KCNN3: variants seen among roughly 807,000 people sequenced by gnomAD.
KCNN3 encodes potassium calcium-activated channel subfamily N member 3.
In KCNN3, 16 loss-of-function variants were observed where a neutral mutation model predicts 62.9. The ratio of observed to expected loss-of-function variants is 0.25; its 90% CI spans 0.17 to 0.39. The LOEUF (loss-of-function observed/expected upper bound fraction) is 0.39. Among genes scored for constraint, KCNN3 ranks in the 10% least tolerant of loss-of-function variants. KCNN3 has a pLI of 1.00. For missense variants in KCNN3, 599 were observed against 949.4 expected (o/e 0.63, Z 4.85); for synonymous variants, 370 against 389.2 (o/e 0.95, Z 0.58).
rs1174984325 is a variant in KCNN3, at chr1:154,705,854, T to C, written c.*2122A>G. The C allele has an allele frequency of 1.3e-5, 2 of 152,236 alleles. No homozygotes were observed. The highest frequency in any genetic ancestry group is 6.5e-5 in the Admixed American group (1 of 15,284). The allele number at this position is 152,236 out of a possible 1,614,324, so 9.4% of individuals were successfully genotyped here. A position where few individuals can be genotyped will look rare whatever the true frequency, so the allele number is the denominator to read the frequency against. The stretch of plus-strand genomic sequence containing the variant: ...AGATCAGCCCACCAGTGGTCTTCAC[T>C]TTGTGAAATGGAACTAATGCCACAA... On this transcript the variant is annotated 3_prime_UTR_variant, in exon 8 of 8. Coordinates refer to ENST00000271915, the MANE Select transcript of KCNN3 (RefSeq NM_002249.6).
At chr1:154,758,289 C>A (rs572120433) in intron 3 of KCNN3, among the ~76,000 whole-genome samples, 17 of 152,154 alleles carry the variant, frequency 1.1e-4, no homozygotes, top group Non-Finnish European at 2.4e-4. Flanking sequence ...GTTTTTCCAC[C>A]CTGAGTTCAG....
chr1:154,808,803 A>G (rs1650284727), intron 2 of KCNN3, among the ~76,000 whole-genome samples: 2 of 152,182 alleles, frequency 1.3e-5, no homozygotes, highest in African/African-American at 4.8e-5. Context: ...AGCACATTCT[A>G]GCAAGAAGCA....
chr1:154,814,888 C>A (rs948430342), intron 2 of KCNN3, among the ~76,000 whole-genome samples: 1 of 152,240 alleles, frequency 6.6e-6, no homozygotes, highest in Admixed American at 6.5e-5. Flanking sequence ...AGTGAATCCC[C>A]ATCACCAGTC....
intron 2 of KCNN3, among the ~76,000 whole-genome samples, chr1:154,795,537 T>A (rs755733577): frequency 1.3e-5 from 2 of 152,216 alleles, no homozygotes; most frequent in Admixed American, 6.5e-5. Context: ...GCCACCCTTC[T>A]GTCAGATGCT....
chr1:154,697,889 C>T lies in KCNN3; in HGVS notation c.*10087G>A, dbSNP rs1189374830. 1 of 152,074 alleles carries T rather than the reference C, an allele frequency of 6.6e-6. No individual in the cohort carries two copies. Among genetic ancestry groups the T allele is most frequent in the African/African-American group, 2.4e-5 (1 of 41,374 alleles). The allele number at this position is 152,074 out of a possible 1,614,324, so 9.4% of individuals were successfully genotyped here. On this transcript the variant is annotated 3_prime_UTR_variant, in exon 8 of 8. Coordinates refer to ENST00000271915, the MANE Select transcript of KCNN3 (RefSeq NM_002249.6). ...CATTTGCTCCTCAGTTTTCTATGGC[C>T]CAATTTTCCCATTGGAATAATGGGA... is the stretch of plus-strand genomic sequence containing the variant.
Position 154,700,282 on chromosome 1 carries a change from A to G in KCNN3, c.*7694T>C, listed in dbSNP as rs1371899586. 2 of 152,198 alleles carry G rather than the reference A, an allele frequency of 1.3e-5. No homozygotes were observed. Among genetic ancestry groups the G allele is most frequent in the African/African-American group, 2.4e-5 (1 of 41,432 alleles). 9.4% of individuals were successfully genotyped at this position (152,198 alleles called of 1,614,324 possible). A position where few individuals can be genotyped will look rare whatever the true frequency, so the allele number is the denominator to read the frequency against. On this transcript the variant is annotated 3_prime_UTR_variant, in exon 8 of 8. Transcript: ENST00000271915. ...GTGGGGCCTGAGATTCTGCATTTCT[A>G]ACAAGCTTACAGATGATGCTAACGC... is the stretch of plus-strand genomic sequence containing the variant.
intron 2 of KCNN3, among the ~76,000 whole-genome samples, chr1:154,808,725 C>T (rs1269042381): frequency 6.6e-6 from 1 of 152,216 alleles, no homozygotes; most frequent in African/African-American, 2.4e-5. Flanking sequence ...CACTCCCCCG[C>T]CTCCCATTCC....
chr1:154,744,137 C>T (rs1374412981), intron 3 of KCNN3, among the ~76,000 whole-genome samples: 1 of 152,094 alleles, frequency 6.6e-6, no homozygotes, highest in Non-Finnish European at 1.5e-5. Flanking sequence ...GACTGACAAC[C>T]CCTATTACAA....
chr1:154,813,864 G>C (rs1650543888), intron 2 of KCNN3, among the ~76,000 whole-genome samples: 1 of 152,210 alleles, frequency 6.6e-6, no homozygotes, highest in Non-Finnish European at 1.5e-5. Flanking sequence ...GAGCAGCCGG[G>C]GGCCCTCACA....
At chr1:154,719,773 C>T (rs968161830) in intron 5 of KCNN3, among the ~76,000 whole-genome samples, 3 of 152,096 alleles carry the variant, frequency 2.0e-5, no homozygotes, top group African/African-American at 7.2e-5. Context: ...CTCTGGCTTC[C>T]CCGGCTGCCC....
intron 1 of KCNN3, among the ~76,000 whole-genome samples, chr1:154,836,304 A>G (rs1344097970): frequency 6.6e-6 from 1 of 152,192 alleles, no homozygotes; most frequent in Non-Finnish European, 1.5e-5. Flanking sequence ...GAGGAGCCAG[A>G]GGAACACCCC....
intron 2 of KCNN3, among the ~76,000 whole-genome samples, chr1:154,811,278 GGA>G (rs1650396687): frequency 6.6e-6 from 1 of 152,152 alleles, no homozygotes; most frequent in South Asian, 2.1e-4. Flanking sequence ...AAGCCTTGGT[GGA>G]GGCACACAAG....
At chr1:154,834,235 C>A (rs537431370) in intron 1 of KCNN3, among the ~76,000 whole-genome samples, 1 of 152,216 alleles carries the variant, frequency 6.6e-6, no homozygotes, top group Non-Finnish European at 1.5e-5. Flanking sequence ...GGGCACGACA[C>A]GAGCCCCACT....
rs564694888 is a variant in KCNN3, at chr1:154,771,829, C to T, written c.1448+146G>A. Reference sequence around the variant, plus strand: ...GCTCATACTGAACCCCAACTCAGCACTCCCCTCTTTCCCATTGTCTCCTTT... The same window carrying T: ...GCTCATACTGAACCCCAACTCAGCATTCCCCTCTTTCCCATTGTCTCCTTT... On this transcript the variant is annotated intron_variant, in intron 3 of 7. Transcript: ENST00000271915. 3.6e-6 allele frequency: 3 copies of T among 824,886 alleles called. No homozygotes were observed. In the South Asian group the frequency reaches 4.3e-5, roughly 12 times the overall value. 51.1% of individuals were successfully genotyped at this position (824,886 alleles called of 1,614,324 possible). A position where few individuals can be genotyped will look rare whatever the true frequency, so the allele number is the denominator to read the frequency against.
chr1:154,800,494 A>AGGGCC (rs1649909603), intron 2 of KCNN3, among the ~76,000 whole-genome samples: 1 of 152,142 alleles, frequency 6.6e-6, no homozygotes, highest in African/African-American at 2.4e-5. Context: ...ATGGGTGCTC[A>AGGGCC]GGGCCGGTGA....
At chr1:154,711,653 T>A (rs1700077469) in intron 7 of KCNN3, among the ~76,000 whole-genome samples, 1 of 152,140 alleles carries the variant, frequency 6.6e-6, no homozygotes, top group African/African-American at 2.4e-5. Context: ...TTCCTGAAGC[T>A]CACAGGTGGG....
chr1:154,715,157 G>T (rs1700206130), intron 5 of KCNN3, among the ~76,000 whole-genome samples, 154 bp from the exon 6 acceptor site: 1 of 152,088 alleles, frequency 6.6e-6, no homozygotes, highest in South Asian at 2.1e-4. Context: ...GATGATTAAG[G>T]CCGGGCACGG....
intron 2 of KCNN3, among the ~76,000 whole-genome samples, chr1:154,781,194 C>A (rs2101850723): frequency 6.6e-6 from 1 of 152,304 alleles, no homozygotes; most frequent in South Asian, 2.1e-4. Context: ...TAAATCCTTT[C>A]CCCTGTCCTC....
chr1:154,732,724 G>A (rs565535228), intron 4 of KCNN3, among the ~76,000 whole-genome samples: 18 of 152,322 alleles, frequency 1.2e-4, no homozygotes, highest in Admixed American at 6.5e-4. Context: ...CATTGGGCCA[G>A]GACCAGCTTC....
Sources: allele counts gnomAD v4.1 joint callset (sites outside exome capture counted in the v4.1 genomes callset), GRCh38; gene constraint gnomAD v4.1.1; transcripts MANE v1.5; gene names NCBI Gene and HGNC (gene_info 2026-07-23, HGNC 2026-07-21).